The following FOCAD variants were observed in gnomAD, a reference collection of about 807,000 sequenced individuals.
The protein encoded by FOCAD is KIAA1797.
In FOCAD, 198 loss-of-function variants were observed where a neutral mutation model predicts 225.6. That is an observed-to-expected ratio of 0.88 (90% CI 0.78 to 0.99). The LOEUF (loss-of-function observed/expected upper bound fraction) is 0.99, where lower values mean the gene tolerates loss of function less well. Among genes scored for constraint, FOCAD ranks in the 50% least tolerant of loss-of-function variants. The pLI is 0.00. For synonymous variants in FOCAD, 897 were observed against 755.0 expected (o/e 1.19, Z -3.08); for missense variants, 2,713 against 2,123.6 (o/e 1.28, Z -5.46).
At position 20,865,935 on chromosome 9, in the gene FOCAD, G is replaced by A; in HGVS notation, c.2065G>A (p.Val689Ile). The A allele has an allele frequency of 6.2e-7, 1 of 1,608,010 alleles. No individual in the cohort carries two copies. Among genetic ancestry groups the A allele is most frequent in the Non-Finnish European group, 8.5e-7 (1 of 1,177,282 alleles). The change falls in exon 17 of 44, where the codon GTT (valine) becomes ATT (isoleucine). Residue 689 changes from valine (V) to isoleucine (I), a missense_variant. Transcript: ENST00000338382. ...TATGTTAACTTTTCAGAATTTTAAA[G>A]TTCAAGTCCTCAGCTTCCTCTGGAC... is the stretch of plus-strand genomic sequence containing the variant. Reference protein sequence around the residue: ...VNTTEYENFKVQVLSFLWTHT... With the variant: ...VNTTEYENFKIQVLSFLWTHT...
intron 4 of FOCAD, among the ~76,000 whole-genome samples, chr9:20,727,279 C>T (rs1314596235): frequency 6.6e-6 from 1 of 151,998 alleles, no homozygotes; most frequent in Non-Finnish European, 1.5e-5. Flanking sequence ...GCACATTCTG[C>T]CCTATTTCTT....
chr9:20,672,283 A>G (rs952104929), intron 2 of FOCAD, among the ~76,000 whole-genome samples: 2 of 152,210 alleles, frequency 1.3e-5, no homozygotes, highest in African/African-American at 4.8e-5. Flanking sequence ...GAAGTATGGT[A>G]TAATTTTTAT....
At chr9:20,764,252 T>A (rs186696619) in intron 6 of FOCAD, among the ~76,000 whole-genome samples, 262 of 152,252 alleles carry the variant, frequency 1.7e-3, no homozygotes, top group Middle Eastern at 3.4e-3. Context: ...CTAGAAAGGT[T>A]GTCAGGTGAT....
chr9:20,680,281 C>T (rs902609254), upstream of FOCAD, among the ~76,000 whole-genome samples: 7 of 152,108 alleles, frequency 4.6e-5, no homozygotes, highest in East Asian at 1.9e-4. Context: ...TGTTATTGTC[C>T]GGGTGCGATG....
chr9:20,912,412 CTTATA>C (rs1467177784), intron 22 of FOCAD, among the ~76,000 whole-genome samples: 1 of 151,942 alleles, frequency 6.6e-6, no homozygotes, highest in African/African-American at 2.4e-5. Flanking sequence ...TGGAGAATAA[CTTATA>C]TTATATCTTA....
intron 5 of FOCAD, among the ~76,000 whole-genome samples, chr9:20,742,728 G>A (rs1827734029): frequency 6.6e-6 from 1 of 152,182 alleles, no homozygotes; most frequent in Admixed American, 6.5e-5. Context: ...TTAATTATCT[G>A]TAATGTTTGA....
chr9:20,994,768 A>G (rs1841934613), intron 43 of FOCAD, among the ~76,000 whole-genome samples: 1 of 152,196 alleles, frequency 6.6e-6, no homozygotes, highest in Non-Finnish European at 1.5e-5. Flanking sequence ...TGGTTGCTCC[A>G]AAGATATACC....
intron 24 of FOCAD, among the ~76,000 whole-genome samples, chr9:20,922,199 T>C (rs563423406): frequency 2.0e-5 from 3 of 152,224 alleles, no homozygotes; most frequent in South Asian, 2.1e-4. Context: ...TAATTCTCTT[T>C]GTAGAACTCT....
chr9:20,943,090 T>C (rs1181875840), intron 28 of FOCAD, among the ~76,000 whole-genome samples: 2 of 152,214 alleles, frequency 1.3e-5, no homozygotes, highest in African/African-American at 4.8e-5. Context: ...AACTTCCCTG[T>C]AGATTCTAAA....
At chr9:20,884,386 C>T (rs1005786351) in intron 20 of FOCAD, among the ~76,000 whole-genome samples, 1 of 152,108 alleles carries the variant, frequency 6.6e-6, no homozygotes, top group Non-Finnish European at 1.5e-5. Flanking sequence ...GCAACCTCCA[C>T]TGCTAGTTCA....
chr9:20,777,695 C>A (rs2131068308), intron 8 of FOCAD, among the ~76,000 whole-genome samples: 1 of 152,162 alleles, frequency 6.6e-6, no homozygotes, highest in African/African-American at 2.4e-5. Context: ...ATTCATTATG[C>A]AAGTTATATA....
rs1251142991 is a variant in FOCAD, at chr9:20,912,957, A to G, written c.2807+3A>G. On this transcript the variant is annotated splice_donor_region_variant and intron_variant, in intron 23 of 43. Transcript: ENST00000338382. Reference sequence around the variant, plus strand: ...AAAAAAAGCACAGCCTGGCTCTGGTAAGTGTTCATGTTCAGCTGCCCATTA... The same window carrying G: ...AAAAAAAGCACAGCCTGGCTCTGGTGAGTGTTCATGTTCAGCTGCCCATTA... The G allele has an allele frequency of 1.2e-6, 2 of 1,611,220 alleles. No homozygotes were observed. Among genetic ancestry groups the G allele is most frequent in the South Asian group, 2.2e-5 (2 of 90,852 alleles).
intron 4 of FOCAD, among the ~76,000 whole-genome samples, chr9:20,731,620 T>A (rs1381652540): frequency 6.6e-6 from 1 of 152,144 alleles, no homozygotes; most frequent in South Asian, 2.1e-4. Flanking sequence ...AACATATATT[T>A]ATATGTATTT....
At position 20,759,098 on chromosome 9, in the gene FOCAD, C is replaced by G. The variant is rs1829329534; in HGVS notation, c.494+907C>G. ...CCTCTTCAAGGAGAACTACAAACCA[C>G]TGCTCAATGAAATAAAAGAGGATAC... On this transcript the variant is annotated intron_variant, in intron 6 of 43. Coordinates refer to ENST00000338382, the MANE Select transcript of FOCAD (RefSeq NM_001375567.1). Among the ~76,000 whole-genome samples the G allele has an allele frequency of 5.3e-5, 8 of 152,170 alleles. No individual in the cohort carries two copies. In the South Asian group the frequency reaches 1.7e-3, roughly 32 times the overall value.
At chr9:20,798,312 T>C (rs1821368767) in intron 11 of FOCAD, among the ~76,000 whole-genome samples, 1 of 152,162 alleles carries the variant, frequency 6.6e-6, no homozygotes, top group Non-Finnish European at 1.5e-5. Context: ...AATTCTCTTT[T>C]TTGGTTGTGT....
At chr9:20,760,622 T>A (rs1468172787) in intron 6 of FOCAD, among the ~76,000 whole-genome samples, 1 of 152,234 alleles carries the variant, frequency 6.6e-6, no homozygotes, top group African/African-American at 2.4e-5. Flanking sequence ...TTAGGCATTT[T>A]TTTTGCCCTA....
intron 4 of FOCAD, among the ~76,000 whole-genome samples, chr9:20,733,012 T>G (rs1826842713): frequency 1.3e-5 from 2 of 152,168 alleles, no homozygotes. Context: ...GGATATGCCT[T>G]TTTTTGTTGA....
chr9:20,893,584 A>G (rs767386420), intron 21 of FOCAD, among the ~76,000 whole-genome samples: 77 of 152,096 alleles, frequency 5.1e-4, no homozygotes, highest in Non-Finnish European at 1.0e-3. Context: ...TCCTTACAGG[A>G]TATTCTATAC....
At chr9:20,878,294 T>G (rs1194770480) in intron 19 of FOCAD, among the ~76,000 whole-genome samples, 1 of 152,182 alleles carries the variant, frequency 6.6e-6, no homozygotes, top group Non-Finnish European at 1.5e-5. Context: ...GGGAGATTTC[T>G]TGTGTTTTTT....
Sources: allele counts gnomAD v4.1 joint callset (sites outside exome capture counted in the v4.1 genomes callset), GRCh38; gene constraint gnomAD v4.1.1; transcripts MANE v1.5; gene names NCBI Gene and HGNC (gene_info 2026-07-23, HGNC 2026-07-21).